The following MYOCOS variants were observed in gnomAD, a reference collection of about 807,000 sequenced individuals.
MYOCOS encodes the protein myocilin opposite strand protein.
intron 1 of MYOCOS, among the ~76,000 whole-genome samples, chr1:171,603,445 C>G (rs1295355317): frequency 6.6e-6 from 1 of 152,202 alleles, no homozygotes; most frequent in African/African-American, 2.4e-5. Flanking sequence ...CCTTATAGGT[C>G]TTTCAACTCT....
upstream of MYOCOS, among the ~76,000 whole-genome samples, chr1:171,618,416 C>T (rs1040775091): frequency 6.6e-6 from 1 of 152,178 alleles, no homozygotes; most frequent in African/African-American, 2.4e-5. Flanking sequence ...TTCGTGATAG[C>T]GAGCTAGTGC....
chr1:171,602,202 CAT>C (rs1652156242), intron 1 of MYOCOS, among the ~76,000 whole-genome samples: 1 of 151,924 alleles, frequency 6.6e-6, no homozygotes, highest in Admixed American at 6.6e-5. Context: ...AAAGTTGAGA[CAT>C]GTTGAAAAAT....
chr1:171,623,732 T>C, intron 1 of MYOCOS, 109 bp from the exon 2 acceptor site: 2 of 396,484 alleles, frequency 5.0e-6, no homozygotes, highest in Middle Eastern at 1.3e-3. Flanking sequence ...GAGGACCAAC[T>C]GAGAGTAAGG....
upstream of MYOCOS, among the ~76,000 whole-genome samples, chr1:171,620,809 G>A (rs1410170880): frequency 2.6e-5 from 3 of 114,622 alleles, no homozygotes; most frequent in African/African-American, 1.1e-4. Flanking sequence ...GTCTCGTTCT[G>A]TTGCCAAGCT....
At chr1:171,608,368 C>T (rs1303817432) in intron 1 of MYOCOS, among the ~76,000 whole-genome samples, 3 of 146,560 alleles carry the variant, frequency 2.0e-5, no homozygotes, top group African/African-American at 7.8e-5. Flanking sequence ...AAATAAGATG[C>T]TCCTTTAAAA....
At position 171,614,640 on chromosome 1, in the gene MYOCOS, C is replaced by T. The variant is rs951482092; in HGVS notation, c.-251-158C>T. On this transcript the variant is annotated intron_variant, in intron 1 of 3. Coordinates refer to the MYOCOS transcript ENST00000636697. ...GAGGCACTCAGCTGAGAGTCATCAC[C>T]ACCAACACTCCCAGCAGTGGGGGAA... 2.6e-5 allele frequency among the ~76,000 whole-genome samples: 4 copies of T among 152,200 alleles called. No individual in the cohort carries two copies. In the East Asian group the frequency reaches 5.8e-4, roughly 22 times the overall value.
intron 1 of MYOCOS, among the ~76,000 whole-genome samples, chr1:171,602,301 T>C (rs983034915): frequency 9.2e-5 from 14 of 152,080 alleles, no homozygotes; most frequent in Non-Finnish European, 1.8e-4. Context: ...GCCTCCTGAG[T>C]ACTGTTTAAA....
upstream of MYOCOS, among the ~76,000 whole-genome samples, chr1:171,620,769 C>CTTTTTTTTTTTTT (rs201016150): frequency 9.2e-6 from 1 of 108,184 alleles, no homozygotes; most frequent in African/African-American, 3.7e-5. Flanking sequence ...CTTTCTTTTT[C>CTTTTTTTTTTTTT]TTTCTTTTTT....
At chr1:171,608,672 C>T (rs946433175) in intron 1 of MYOCOS, among the ~76,000 whole-genome samples, 14 of 152,046 alleles carry the variant, frequency 9.2e-5, no homozygotes, top group African/African-American at 2.9e-4. Context: ...CTGCCCGCCT[C>T]GGCCTCCCAA....
intron 1 of MYOCOS, among the ~76,000 whole-genome samples, chr1:171,601,982 G>T (rs1470659968): frequency 6.6e-6 from 1 of 151,666 alleles, no homozygotes; most frequent in East Asian, 1.9e-4. Context: ...ATGTATTATG[G>T]TAACTTCTAA....
At chr1:171,610,789 T>C (rs770864017) in intron 1 of MYOCOS, among the ~76,000 whole-genome samples, 8 of 152,230 alleles carry the variant, frequency 5.3e-5, no homozygotes, top group African/African-American at 1.9e-4. Context: ...TCACCTTTGA[T>C]GTAATGTGGG....
At chr1:171,611,315 T>C (rs765378399) in intron 1 of MYOCOS, among the ~76,000 whole-genome samples, 27 of 152,192 alleles carry the variant, frequency 1.8e-4, no homozygotes, top group Admixed American at 3.9e-4. Flanking sequence ...GGGTCTGGGC[T>C]ACCTGCTTGT....
At chr1:171,624,836 A>G (rs1259454726) in intron 2 of MYOCOS, among the ~76,000 whole-genome samples, 1 of 152,014 alleles carries the variant, frequency 6.6e-6, no homozygotes, top group African/African-American at 2.4e-5. Context: ...CACCTGCCTC[A>G]GCATCCCAAG....
intron 1 of MYOCOS, among the ~76,000 whole-genome samples, chr1:171,602,096 G>A (rs1282103739): frequency 6.6e-6 from 1 of 151,800 alleles, no homozygotes; most frequent in Non-Finnish European, 1.5e-5. Flanking sequence ...AAAAAGGGGG[G>A]AGGCAGAATT....
intron 1 of MYOCOS, among the ~76,000 whole-genome samples, chr1:171,614,185 A>G (rs778472891): frequency 2.0e-4 from 30 of 152,214 alleles, no homozygotes; most frequent in Non-Finnish European, 3.8e-4. Flanking sequence ...TGAGGTCCAC[A>G]TTGCCTGGTA....
rs149695649 is a variant in MYOCOS, at chr1:171,626,206, C to G, written c.96-248C>G. On this transcript the variant is annotated intron_variant, in intron 2 of 2. Transcript: ENST00000637642. ...CAAGTGATCCTCCCACCTTGGCCTC[C>G]CAAGTAGCTGGGACCACAGGTGCAT... Among the ~76,000 whole-genome samples the G allele has an allele frequency of 3.0e-4, 46 of 152,232 alleles. No individual in the cohort carries two copies. In the East Asian group the frequency reaches 6.2e-3, roughly 20 times the overall value.
chr1:171,602,091 G>A (rs1281741135), intron 1 of MYOCOS, among the ~76,000 whole-genome samples: 1 of 151,530 alleles, frequency 6.6e-6, no homozygotes, highest in African/African-American at 2.4e-5. Context: ...AGAAAAAAAA[G>A]GGGGGAGGCA....
chr1:171,611,581 A>G (rs2102934508), intron 1 of MYOCOS, among the ~76,000 whole-genome samples: 1 of 152,198 alleles, frequency 6.6e-6, no homozygotes, highest in East Asian at 1.9e-4. Context: ...ACCTCTTACC[A>G]GAAGGTCTTC....
intron 1 of MYOCOS, among the ~76,000 whole-genome samples, chr1:171,609,766 G>T (rs1652322871): frequency 6.6e-6 from 1 of 152,100 alleles, no homozygotes; most frequent in South Asian, 2.1e-4. Context: ...CTCCCAAAGT[G>T]CTGGGATTAT....
Sources: allele counts gnomAD v4.1 joint callset (sites outside exome capture counted in the v4.1 genomes callset), GRCh38; gene constraint gnomAD v4.1.1; transcripts MANE v1.5; gene names NCBI Gene and HGNC (gene_info 2026-07-23, HGNC 2026-07-21).